DST: variants seen among roughly 807,000 people sequenced by gnomAD.
DST encodes bullous pemphigoid antigen.
Under a neutral mutation model 875.2 loss-of-function variants are expected in DST, and 253 were observed. The ratio of observed to expected loss-of-function variants is 0.29; its 90% CI spans 0.26 to 0.32. The LOEUF is 0.32. Among genes scored for constraint, DST ranks in the 10% least tolerant of loss-of-function variants. The pLI, the probability that DST is intolerant of heterozygous loss-of-function variation, is 1.00. For synonymous variants in DST, 3,124 were observed against 3,197.1 expected, an observed-to-expected ratio of 0.98 and a Z score of 0.77; for missense variants, 8,287 against 9,111.6, an observed-to-expected ratio of 0.91 and a Z score of 3.68.
chr6:56,829,203 C>T (rs1455657722), intron 4 of DST, among the ~76,000 whole-genome samples: 1 of 152,116 alleles, frequency 6.6e-6, no homozygotes, highest in Non-Finnish European at 1.5e-5. Flanking sequence ...ATCACTTAGC[C>T]AAACACAAAA....
At chr6:56,785,430 C>T (rs923853625) in intron 4 of DST, among the ~76,000 whole-genome samples, 4 of 152,186 alleles carry the variant, frequency 2.6e-5, no homozygotes, top group African/African-American at 9.6e-5. Context: ...CGCCCCTCCG[C>T]CAGCCTCGCT....
chr6:56,717,373 A>G (rs2099399208), intron 5 of DST, among the ~76,000 whole-genome samples: 1 of 152,062 alleles, frequency 6.6e-6, no homozygotes, highest in Non-Finnish European at 1.5e-5. Flanking sequence ...AACAGGCCAC[A>G]GACAGAAACT....
intron 5 of DST, among the ~76,000 whole-genome samples, chr6:56,722,673 C>T (rs764370826): frequency 4.6e-5 from 7 of 152,162 alleles, no homozygotes; most frequent in Non-Finnish European, 8.8e-5. Context: ...TGAGCCACCG[C>T]GCCCAGCCTA....
intron 85 of DST, among the ~76,000 whole-genome samples, chr6:56,491,741 TCAGA>T (rs891509905): frequency 2.0e-5 from 3 of 152,140 alleles, no homozygotes; most frequent in African/African-American, 7.2e-5. Flanking sequence ...GCCGACCAAC[TCAGA>T]CAGAGAATAT....
chr6:56,464,180 T>C (rs79193720), intron 100 of DST: 4,251 of 337,152 alleles, frequency 0.013, 146 homozygotes, highest in African/African-American at 0.083. Context: ...GCATGTACTA[T>C]TGAGGTAAAG....
chr6:56,665,665 A>C (rs918878017), intron 10 of DST, among the ~76,000 whole-genome samples: 4 of 152,152 alleles, frequency 2.6e-5, no homozygotes, highest in Admixed American at 6.5e-5. Flanking sequence ...CATGCCATAA[A>C]GACGGCAACA....
At chr6:56,584,059 T>G (rs1172195155) in intron 49 of DST, among the ~76,000 whole-genome samples, 1 of 152,196 alleles carries the variant, frequency 6.6e-6, no homozygotes, top group Non-Finnish European at 1.5e-5. Flanking sequence ...TGGCTTAGGA[T>G]TGACTTGGCG....
At chr6:56,827,057 G>C (rs1303675874) in intron 4 of DST, among the ~76,000 whole-genome samples, 1 of 152,094 alleles carries the variant, frequency 6.6e-6, no homozygotes, top group Non-Finnish European at 1.5e-5. Context: ...TCTTAGGCTT[G>C]CCCACTGTCA....
chr6:56,674,736 GA>G (rs2099119920), intron 9 of DST, among the ~76,000 whole-genome samples: 1 of 152,156 alleles, frequency 6.6e-6, no homozygotes, highest in South Asian at 2.1e-4. Context: ...CCTTTATACT[GA>G]AAACACTGAT....
At chr6:56,464,144 C>G (rs531904636) in intron 100 of DST, 1 of 371,526 alleles carries the variant, frequency 2.7e-6, no homozygotes, top group African/African-American at 2.1e-5. Context: ...AGAAGACAGA[C>G]CAGTAAGGCA....
intron 17 of DST, among the ~76,000 whole-genome samples, chr6:56,641,737 G>A (rs1041743180): frequency 6.6e-6 from 1 of 151,918 alleles, no homozygotes; most frequent in African/African-American, 2.4e-5. Context: ...AGTATTATAC[G>A]CACCATAAAA....
chr6:56,748,830 G>A (rs2099579586), intron 4 of DST, among the ~76,000 whole-genome samples: 1 of 152,162 alleles, frequency 6.6e-6, no homozygotes, highest in Non-Finnish European at 1.5e-5. Flanking sequence ...AGGTAAGGGT[G>A]AATCAAACCC....
intron 4 of DST, among the ~76,000 whole-genome samples, chr6:56,803,078 T>G (rs576499416): frequency 6.6e-6 from 1 of 152,324 alleles, no homozygotes; most frequent in South Asian, 2.1e-4. Context: ...GCTAAATGCT[T>G]TACATAAATC....
chr6:56,893,577 T>A lies in DST; in HGVS notation c.417+6844A>T, dbSNP rs867545068. Among the ~76,000 whole-genome samples, 367 of 71,960 alleles carry A rather than the reference T, an allele frequency of 5.1e-3. 26 individuals carry two copies. Among genetic ancestry groups the A allele is most frequent in the Middle Eastern group, 0.013 (2 of 156 alleles). 47.2% of individuals were successfully genotyped at this position (71,960 alleles called of 152,430 possible). A position where few individuals can be genotyped will look rare whatever the true frequency, so the allele number is the denominator to read the frequency against. Reference sequence around the variant, plus strand: ...ACTTTTAGTTCTTTTTTTTTTTTTTTTTTTTTTTTTATTTTTTTTTATTTT... The same window carrying A: ...ACTTTTAGTTCTTTTTTTTTTTTTTATTTTTTTTTTATTTTTTTTTATTTT... On this transcript the variant is annotated intron_variant, in intron 3 of 103. Coordinates refer to ENST00000680361, the MANE Select transcript of DST (RefSeq NM_001374736.1).
In DST at chr6:56,584,671, C is replaced by A. The variant is rs1196142901; in HGVS notation, c.12904-5734G>T. ...GAGAGAGGGCATCCCTGTCTTGTGC[C>A]AGTTTTCAAAGGGAATGCTTCCCGT... is the stretch of plus-strand genomic sequence containing the variant. On this transcript the variant is annotated intron_variant, in intron 49 of 103. Coordinates refer to ENST00000680361, the MANE Select transcript of DST (RefSeq NM_001374736.1). 2.6e-5 allele frequency among the ~76,000 whole-genome samples: 4 copies of A among 151,828 alleles called. No individual in the cohort carries two copies. In the South Asian group the frequency reaches 8.3e-4, roughly 32 times the overall value.
chr6:56,482,980 T>C (rs2095447083), intron 88 of DST, 103 bp from the exon 89 acceptor site: 1 of 801,704 alleles, frequency 1.2e-6, no homozygotes, highest in Non-Finnish European at 1.8e-6. Flanking sequence ...TGTAAAGATA[T>C]CTAAGACCTA....
intron 53 of DST, 113 bp downstream of exon 53, chr6:56,571,986 TA>T (rs2152610498): frequency 2.1e-6 from 1 of 467,256 alleles, no homozygotes; most frequent in African/African-American, 2.0e-5. Flanking sequence ...AAAGTAGCCC[TA>T]TGCTTATTCT....
intron 2 of DST, among the ~76,000 whole-genome samples, chr6:56,916,757 C>A (rs551646428): frequency 1.0e-4 from 8 of 77,860 alleles, no homozygotes; most frequent in Non-Finnish European, 1.2e-4. Context: ...CTCTCTATCT[C>A]TCTCTCTCTC....
chr6:56,598,928 G>A (rs923905000), intron 45 of DST, among the ~76,000 whole-genome samples: 4 of 151,936 alleles, frequency 2.6e-5, no homozygotes, highest in African/African-American at 4.8e-5. Flanking sequence ...CATGTTTAAC[G>A]AAAGAATGCA....
Sources: allele counts gnomAD v4.1 joint callset (sites outside exome capture counted in the v4.1 genomes callset), GRCh38; gene constraint gnomAD v4.1.1; transcripts MANE v1.5; gene names NCBI Gene and HGNC (gene_info 2026-07-23, HGNC 2026-07-21).